TANC2: variants seen among roughly 807,000 people sequenced by gnomAD.
TANC2 encodes the protein tetratricopeptide repeat, ankyrin repeat and coiled-coil containing 2, also known as protein TANC2.
TANC2 carries 26 observed loss-of-function variants against 210.5 expected under a neutral mutation model. The ratio of observed to expected loss-of-function variants is 0.12; its 90% CI spans 0.09 to 0.17. The LOEUF (loss-of-function observed/expected upper bound fraction) is 0.17. Among genes scored for constraint, TANC2 ranks in the 10% least tolerant of loss-of-function variants. The pLI, the probability that TANC2 is intolerant of heterozygous loss-of-function variation, is 1.00. For synonymous variants in TANC2, 931 were observed against 967.1 expected (o/e 0.96, Z 0.69); for missense variants, 2,129 against 2,608.9 (o/e 0.82, Z 4.01).
exon 26 of TANC2, chr17:63,415,656 G>T (rs775438740): frequency 1.2e-6 from 2 of 1,613,480 alleles, no homozygotes; most frequent in African/African-American, 2.7e-5. Flanking sequence ...ACCTCTCTCG[G>T]TGTCGCAGGA....
At position 63,276,460 on chromosome 17, in the gene TANC2, G is replaced by A. The variant is rs150102419; in HGVS notation, c.1159+8587G>A. On this transcript the variant is annotated intron_variant, in intron 9 of 27. Transcript: ENST00000689528. ...TAAATGTGAGGAAGCATATAAAAAAGCAGCAACCTTTGGGAGAATTGGGTT... is the reference window on the plus strand; with the variant it reads ...TAAATGTGAGGAAGCATATAAAAAAACAGCAACCTTTGGGAGAATTGGGTT... 9.1e-3 allele frequency among the ~76,000 whole-genome samples: 1,365 copies of A among 150,818 alleles called. 5 individuals carry two copies. The highest frequency in any genetic ancestry group is 0.015 in the Non-Finnish European group (983 of 67,740).
chr17:63,409,004 T>A (rs2048604641), intron 21 of TANC2, among the ~76,000 whole-genome samples: 1 of 152,212 alleles, frequency 6.6e-6, no homozygotes, highest in African/African-American at 2.4e-5. Flanking sequence ...CAAAACAGCA[T>A]GTCAGGTATG....
intron 9 of TANC2, among the ~76,000 whole-genome samples, chr17:63,307,467 G>A (rs952308819): frequency 1.3e-5 from 2 of 152,076 alleles, no homozygotes; most frequent in Non-Finnish European, 2.9e-5. Flanking sequence ...CAGCTAACTT[G>A]TCTAAGATAT....
chr17:63,034,307 A>G (rs1598289780), intron 2 of TANC2, among the ~76,000 whole-genome samples: 1 of 152,286 alleles, frequency 6.6e-6, no homozygotes, highest in South Asian at 2.1e-4. Context: ...GTGCTCTATA[A>G]ATGGAACAAT....
intron 1 of TANC2, among the ~76,000 whole-genome samples, chr17:63,005,927 TG>T (rs2033607487): frequency 2.0e-5 from 3 of 151,066 alleles, no homozygotes; most frequent in Non-Finnish European, 3.0e-5. Context: ...TGTGTGTGTG[TG>T]TGTGTGTGTG....
intron 15 of TANC2, chr17:63,381,113 C>T (rs1284534645): frequency 1.3e-5 from 2 of 152,202 alleles, no homozygotes; most frequent in Non-Finnish European, 2.9e-5. Flanking sequence ...AAGCTAATCC[C>T]TGCCTTTGCT....
At chr17:63,025,197 AT>A (rs556104865) in intron 2 of TANC2, among the ~76,000 whole-genome samples, 53 of 151,466 alleles carry the variant, frequency 3.5e-4, no homozygotes, top group Non-Finnish European at 5.9e-4. Flanking sequence ...GTTGATGGTA[AT>A]TTTTTTTTAA....
chr17:63,104,976 G>T (rs1453490149), intron 4 of TANC2, among the ~76,000 whole-genome samples: 1 of 151,640 alleles, frequency 6.6e-6, no homozygotes. Flanking sequence ...TGTAAAGCAC[G>T]TAAGACAGCG....
chr17:63,085,929 C>T (rs2036947546), intron 3 of TANC2, among the ~76,000 whole-genome samples: 1 of 152,104 alleles, frequency 6.6e-6, no homozygotes, highest in South Asian at 2.1e-4. Context: ...TCTTGCAAGG[C>T]AGGTCTTCTG....
chr17:63,184,476 T>C (rs2040904580), intron 5 of TANC2, among the ~76,000 whole-genome samples: 1 of 152,162 alleles, frequency 6.6e-6, no homozygotes. Flanking sequence ...TATGAAAATT[T>C]ATGAAGTGAA....
chr17:63,159,048 C>G (rs551376223), intron 5 of TANC2, among the ~76,000 whole-genome samples: 2 of 152,294 alleles, frequency 1.3e-5, no homozygotes, highest in South Asian at 2.1e-4. Context: ...TTCATGAGAG[C>G]AAGCAAGCAA....
rs1236701601 is a variant in TANC2 at position 63,313,465 on chromosome 17, AT to A, written c.1160-918del. 2.0e-5 allele frequency: 3 copies of A among 152,194 alleles called. No homozygotes were observed. The East Asian group carries it at 5.8e-4, about 29-fold the overall frequency. The allele number at this position is 152,194 out of a possible 1,614,324, so 9.4% of individuals were successfully genotyped here. The stretch of plus-strand genomic sequence containing the variant: ...TTAAAGCACGTCACATCAATTCTGC[AT>A]TTTTAGAAAACTGTTGACAGTATAG... On this transcript the variant is annotated intron_variant, in intron 9 of 27. Transcript: ENST00000689528.
chr17:63,162,568 CTT>C (rs1428975785), intron 5 of TANC2, among the ~76,000 whole-genome samples: 3 of 152,012 alleles, frequency 2.0e-5, no homozygotes, highest in Non-Finnish European at 4.4e-5. Flanking sequence ...AAATAACACA[CTT>C]GAGTAGATGA....
At chr17:63,020,054 G>A (rs1314782555) in intron 2 of TANC2, among the ~76,000 whole-genome samples, 1 of 152,176 alleles carries the variant, frequency 6.6e-6, no homozygotes, top group Non-Finnish European at 1.5e-5. Flanking sequence ...AGCCTCCCCA[G>A]TAGCTGGGAT....
At chr17:63,323,132 G>A (rs2045547616) in intron 11 of TANC2, among the ~76,000 whole-genome samples, 1 of 152,308 alleles carries the variant, frequency 6.6e-6, no homozygotes, top group South Asian at 2.1e-4. Context: ...TAGCAAACCA[G>A]TAAGCAGAAA....
intron 2 of TANC2, among the ~76,000 whole-genome samples, chr17:63,040,694 A>C (rs181578091): frequency 3.9e-5 from 6 of 152,178 alleles, no homozygotes; most frequent in Non-Finnish European, 7.4e-5. Context: ...ACAGAAGAGC[A>C]GTATTTAAGT....
chr17:63,001,153 TC>T (rs1418081455), intron 1 of TANC2, among the ~76,000 whole-genome samples: 1 of 152,222 alleles, frequency 6.6e-6, no homozygotes, highest in Non-Finnish European at 1.5e-5. Context: ...CTCATTTTTT[TC>T]CTTTCAAAAC....
At chr17:63,398,901 C>A in exon 19 of TANC2, 2 of 1,593,330 alleles carry the variant, frequency 1.3e-6, no homozygotes, top group Non-Finnish European at 1.7e-6. Context: ...TTGACAGTCT[C>A]TGGGGAGAGA....
In TANC2 at chr17:63,421,224, T is replaced by C; in HGVS notation, c.5494T>C (p.Ser1832Pro). ...CAGCCAACTAGGTTCCCCTGATGTG[T>C]CGCATTTAATCAGAAGACCTATCAG... is the stretch of plus-strand genomic sequence containing the variant. The change falls in exon 28 of 28, where the codon TCG becomes CCG. Residue 1832 changes from serine (S) to proline (P), a missense_variant. Ser to Pro is a moderately conservative substitution (Grantham distance 74). Transcript: ENST00000689528. The surrounding 1 kb of genome is among the most constrained non-coding windows in gnomAD (Gnocchi z 6.9). 6.2e-7 allele frequency: 1 copy of C among 1,613,978 alleles called. No homozygotes were observed. Among genetic ancestry groups the C allele is most frequent in the Non-Finnish European group, 8.5e-7 (1 of 1,179,882 alleles).
Sources: allele counts gnomAD v4.1 joint callset (sites outside exome capture counted in the v4.1 genomes callset), GRCh38; gene constraint gnomAD v4.1.1; non-coding constraint Gnocchi (gnomAD v3.1); transcripts MANE v1.5; gene names NCBI Gene and HGNC (gene_info 2026-07-23, HGNC 2026-07-21).